The following GARIN1A variants were observed in gnomAD, a reference collection of about 807,000 sequenced individuals.
GARIN1A encodes golgi associated RAB2 interactor 1A.
the GARIN1A span, among the ~76,000 whole-genome samples, chr7:128,705,619 G>A: frequency 1.4e-5 from 2 of 147,814 alleles, no homozygotes; most frequent in Admixed American, 6.8e-5. Context: ...TGAATCAGCC[G>A]CAACACTGAT....
the GARIN1A span, among the ~76,000 whole-genome samples, chr7:128,705,140 G>A: frequency 6.6e-6 from 1 of 152,210 alleles, no homozygotes; most frequent in Non-Finnish European, 1.5e-5. Flanking sequence ...CAACTCACCT[G>A]CTGAAGGACA....
chr7:128,695,661 C>T, the GARIN1A span, among the ~76,000 whole-genome samples: 2 of 152,138 alleles, frequency 1.3e-5, no homozygotes, highest in African/African-American at 4.8e-5. The surrounding 1 kb of genome is among the most constrained non-coding windows in gnomAD (Gnocchi z 4.5). Flanking sequence ...ATGCCTCAGC[C>T]ATCCCAGTAG....
chr7:128,689,884 G>C, the GARIN1A span, among the ~76,000 whole-genome samples: 1 of 152,134 alleles, frequency 6.6e-6, no homozygotes, highest in Non-Finnish European at 1.5e-5. Flanking sequence ...CCCTCTGCCC[G>C]GCCACCACCC....
At chr7:128,693,519 A>G in the GARIN1A span, 1 of 186,770 alleles carries the variant, frequency 5.4e-6, no homozygotes, top group East Asian at 1.4e-4. Flanking sequence ...ATGGGAGGTC[A>G]CGGACCACAG....
the GARIN1A span, chr7:128,691,459 A>C: frequency 6.6e-6 from 1 of 152,346 alleles, no homozygotes; most frequent in Non-Finnish European, 1.5e-5. Context: ...GAGCAACTCC[A>C]TCTTGAATGG....
the GARIN1A span, among the ~76,000 whole-genome samples, chr7:128,698,302 C>T: frequency 2.6e-5 from 4 of 152,186 alleles, no homozygotes; most frequent in East Asian, 7.7e-4. Flanking sequence ...TTGCCCACAC[C>T]CCACACTGGG....
chr7:128,688,460 T>C, the GARIN1A span, among the ~76,000 whole-genome samples: 1 of 152,174 alleles, frequency 6.6e-6, no homozygotes, highest in Non-Finnish European at 1.5e-5. Context: ...GGTGGAAGTT[T>C]TAGTTCTTTC....
chr7:128,702,509 TC>T, the GARIN1A span, among the ~76,000 whole-genome samples: 1 of 152,160 alleles, frequency 6.6e-6, no homozygotes, highest in Non-Finnish European at 1.5e-5. Flanking sequence ...CACTAAAATT[TC>T]TTGAAAATAT....
chr7:128,707,220 A>ATGTG, the GARIN1A span, among the ~76,000 whole-genome samples: 107 of 147,292 alleles, frequency 7.3e-4, no homozygotes, highest in African/African-American at 2.3e-3. Flanking sequence ...GTGTGTATGT[A>ATGTG]TGTGTGTGTG....
At chr7:128,675,900 A>T in the GARIN1A span, 1 of 1,402,772 alleles carries the variant, frequency 7.1e-7, no homozygotes, top group Non-Finnish European at 1.0e-6. Context: ...GGAATGATTG[A>T]CTGGGATATG....
chr7:128,678,640 C>A, the GARIN1A span, among the ~76,000 whole-genome samples: 13 of 151,978 alleles, frequency 8.6e-5, no homozygotes, highest in African/African-American at 2.9e-4. Context: ...CCTGTCTCTA[C>A]TAAAAATACA....
the GARIN1A span, chr7:128,677,897 G>C: frequency 8.6e-7 from 1 of 1,159,878 alleles, no homozygotes; most frequent in South Asian, 1.7e-5. Context: ...ATATAGACTT[G>C]TTTCCATGTC....
At chr7:128,701,379 A>AGG in the GARIN1A span, among the ~76,000 whole-genome samples, 1 of 16,664 alleles carries the variant, frequency 6.0e-5, no homozygotes, top group Non-Finnish European at 1.0e-4. Flanking sequence ...GGGGAAGGGG[A>AGG]GGGAGAGGGG....
chr7:128,677,867 AT>A, the GARIN1A span: 9 of 1,462,600 alleles, frequency 6.2e-6, no homozygotes, highest in Non-Finnish European at 7.4e-6. Flanking sequence ...ATAAGTATAT[AT>A]GTAAGTGTCT....
chr7:128,695,241 T>G, the GARIN1A span, among the ~76,000 whole-genome samples: 9 of 152,314 alleles, frequency 5.9e-5, no homozygotes, highest in Middle Eastern at 3.4e-3. This position sits in a 1 kb window ranked among gnomAD's most constrained non-coding sequence, Gnocchi z 4.5. Context: ...CCCCAGAGGC[T>G]GGGAACCTCT....
chr7:128,692,808 A>T, the GARIN1A span, among the ~76,000 whole-genome samples: 1 of 152,182 alleles, frequency 6.6e-6, no homozygotes, highest in Non-Finnish European at 1.5e-5. Flanking sequence ...ATGTATAGAA[A>T]CGCGTGGTTC....
the GARIN1A span, among the ~76,000 whole-genome samples, chr7:128,696,078 T>G: frequency 7.8e-6 from 1 of 128,588 alleles, no homozygotes; most frequent in East Asian, 2.6e-4. Context: ...AGTGGCACAA[T>G]CATGGCTCAC....
the GARIN1A span, among the ~76,000 whole-genome samples, chr7:128,675,294 T>A: frequency 6.6e-6 from 1 of 152,288 alleles, no homozygotes; most frequent in African/African-American, 2.4e-5. Flanking sequence ...CTCACTTTCC[T>A]CTCCTTCTGG....
At chr7:128,689,194 C>G in the GARIN1A span, among the ~76,000 whole-genome samples, 49 of 152,260 alleles carry the variant, frequency 3.2e-4, no homozygotes, top group South Asian at 9.7e-3. Context: ...TCCAAAGTGC[C>G]GAGATTGCAG....
Sources: gnomAD v4.1 joint callset for allele counts (sites outside exome capture counted in the v4.1 genomes callset) on GRCh38, gnomAD v4.1.1 for gene constraint, Gnocchi (gnomAD v3.1) non-coding constraint, MANE v1.5 for transcripts, NCBI Gene and HGNC (gene_info 2026-07-23, HGNC 2026-07-21) for gene names.